TENT5A: variants seen among roughly 807,000 people sequenced by gnomAD.
TENT5A encodes HBV X-transactivated gene 11 protein.
TENT5A carries 9 observed loss-of-function variants against 30.2 expected under a neutral mutation model. The observed-to-expected ratio is 0.30, with a 90% confidence interval of 0.18 to 0.52. The LOEUF (loss-of-function observed/expected upper bound fraction) is 0.52. TENT5A is among the 20% of genes least tolerant of loss of function. The pLI, the probability that TENT5A is intolerant of heterozygous loss-of-function variation, is 0.97. For missense variants in TENT5A, 411 were observed against 566.1 expected, an observed-to-expected ratio of 0.73 and a Z score of 2.78; for synonymous variants, 264 against 234.2, an observed-to-expected ratio of 1.13 and a Z score of -1.16.
At position 81,751,917 on chromosome 6, in the gene TENT5A, G is replaced by C. The variant is rs374540996; in HGVS notation, c.225C>G (p.Asp75Glu). ...VLNWEQVQRL[D>E]GILSETIPIH... Reference sequence around the variant, plus strand: ...TCGGAATGGTCTCGCTCAGGATGCCGTCCAGCCGCTGCACTTGCTCCCAGT... The same window carrying C: ...TCGGAATGGTCTCGCTCAGGATGCCCTCCAGCCGCTGCACTTGCTCCCAGT... The change falls in exon 2 of 3, where the codon GAC becomes GAG. Residue 75 changes from aspartate to glutamate, a missense_variant. Asp to Glu is a conservative substitution (Grantham distance 45, BLOSUM62 2). This residue lies in a region of TENT5A where 157 missense variants were observed against 183.2 expected (regional missense o/e 0.86). Transcript: ENST00000320172. 1 of 1,612,892 alleles carries C rather than the reference G, an allele frequency of 6.2e-7. No individual in the cohort carries two copies. The highest frequency in any genetic ancestry group is 1.3e-5 in the African/African-American group (1 of 74,860).
Position 81,747,787 on chromosome 6 carries a change from T to C in TENT5A, c.*1908A>G. ...TTAGTTTTGTTTTGTTTTTAACAAA[T>C]GCATTTTCAGAGACCAGTATCTAGA... On this transcript the variant is annotated 3_prime_UTR_variant, in exon 3 of 3. Coordinates refer to ENST00000320172, the MANE Select transcript of TENT5A (RefSeq NM_017633.3). The C allele has an allele frequency of 3.0e-6, 3 of 985,836 alleles. No homozygotes were observed. The highest frequency in any genetic ancestry group is 1.2e-6 in the Non-Finnish European group (1 of 829,904). 61.1% of individuals were successfully genotyped at this position (985,836 alleles called of 1,614,324 possible).
chr6:81,750,395 C>T lies in TENT5A; in HGVS notation c.629G>A (p.Ser210Asn). ...AAATTTCAGTTCCACATTTTTGCCA[C>T]TGTTGTTTGACAGGGATATAAGACT... ...RWSLISLSNN[S>N]GKNVELKFVD... The change falls in exon 3 of 3, where the codon AGT (serine) becomes AAT (asparagine). Residue 210 changes from serine (S) to asparagine (N), a missense_variant. Around this residue, in one of 5 missense-constraint regions of TENT5A, gnomAD observed 135 missense variants for 240.0 expected, o/e 0.56. Coordinates refer to ENST00000320172, the MANE Select transcript of TENT5A (RefSeq NM_017633.3). This position sits in a 1 kb window ranked among gnomAD's most constrained non-coding sequence, Gnocchi z 4.2. The T allele has an allele frequency of 6.2e-7, 1 of 1,613,120 alleles. No homozygotes were observed. Among genetic ancestry groups the T allele is most frequent in the Admixed American group, 1.7e-5 (1 of 59,864 alleles).
chr6:81,750,897 G>A lies in TENT5A; in HGVS notation c.553-426C>T, dbSNP rs1046528133. 2.0e-5 allele frequency among the ~76,000 whole-genome samples: 3 copies of A among 152,228 alleles called. No homozygotes were observed. The highest frequency in any genetic ancestry group is 7.2e-5 in the African/African-American group (3 of 41,460). On this transcript the variant is annotated intron_variant, in intron 2 of 2. Coordinates refer to ENST00000320172, the MANE Select transcript of TENT5A (RefSeq NM_017633.3). The surrounding 1 kb of genome is among the most constrained non-coding windows in gnomAD (Gnocchi z 4.2). The stretch of plus-strand genomic sequence containing the variant: ...CAAGCCACCCAATTCCTCTCCGCCT[G>A]CGGCAATCAATGTTATCAGTATCTT...
At position 81,746,219 on chromosome 6, in the gene TENT5A, C is replaced by T; in HGVS notation, c.*3476G>A. On this transcript the variant is annotated 3_prime_UTR_variant, in exon 3 of 3. Coordinates refer to ENST00000320172, the MANE Select transcript of TENT5A (RefSeq NM_017633.3). The stretch of plus-strand genomic sequence containing the variant: ...ACTTTTTTTGGCTTTTTGGTTTCAC[C>T]TAACACACTTCATCTTCAACAACAA... 9.0e-7 allele frequency: 1 copy of T among 1,114,332 alleles called. No homozygotes were observed. The highest frequency in any genetic ancestry group is 1.1e-6 in the Non-Finnish European group (1 of 914,158). 69.0% of individuals were successfully genotyped at this position (1,114,332 alleles called of 1,614,324 possible).
rs1768869883 is a variant in TENT5A at position 81,745,736 on chromosome 6, G to GA, written c.*3958dup. 8.1e-6 allele frequency: 8 copies of GA among 985,170 alleles called. No homozygotes were observed. The highest frequency in any genetic ancestry group is 5.2e-4 in the Middle Eastern group (1 of 1,908). 61.0% of individuals were successfully genotyped at this position (985,170 alleles called of 1,614,324 possible). On this transcript the variant is annotated 3_prime_UTR_variant, in exon 3 of 3. Coordinates refer to ENST00000320172, the MANE Select transcript of TENT5A (RefSeq NM_017633.3). ...TGTAGACAGCAAACACAAATCAATA[G>GA]AAAAAAATAACTTTTTTATTTACAA...
In TENT5A at chr6:81,750,231, A is replaced by T; in HGVS notation, c.793T>A (p.Tyr265Asn). The T allele has an allele frequency of 6.2e-7, 1 of 1,614,168 alleles. No individual in the cohort carries two copies. The highest frequency in any genetic ancestry group is 8.5e-7 in the Non-Finnish European group (1 of 1,180,024). Residue 265 changes from tyrosine (Y) to asparagine (N), a missense_variant, in exon 3 of 3, where the codon TAT (tyrosine) becomes AAT (asparagine). Physicochemically the swap from Tyr to Asn is moderately radical, Grantham distance 143 (BLOSUM62 -2). Around this residue, in one of 5 missense-constraint regions of TENT5A, gnomAD observed 135 missense variants for 240.0 expected, o/e 0.56. Coordinates refer to ENST00000320172, the MANE Select transcript of TENT5A (RefSeq NM_017633.3). This position sits in a 1 kb window ranked among gnomAD's most constrained non-coding sequence, Gnocchi z 4.2. ...TCAAAGGCTTCCTGGAAATCGCCATAGACGCTCTCCCCGATTATTGTGGGG... is the reference window on the plus strand; with the variant it reads ...TCAAAGGCTTCCTGGAAATCGCCATTGACGCTCTCCCCGATTATTGTGGGG... ...FHPTIIGESV[Y>N]GDFQEAFDHL...
rs1769010588 is a variant in TENT5A, at chr6:81,750,524, A to T, written c.553-53T>A. ...AGCAAACCTAGAAAATAATAAATCA[A>T]TAAATAAATACATCCTCTTCACAGC... On this transcript the variant is annotated intron_variant, in intron 2 of 2. Transcript: ENST00000320172. The surrounding 1 kb of genome is among the most constrained non-coding windows in gnomAD (Gnocchi z 4.2). 5.5e-6 allele frequency: 6 copies of T among 1,088,694 alleles called. No individual in the cohort carries two copies. The highest frequency in any genetic ancestry group is 7.8e-6 in the Non-Finnish European group (6 of 771,528). The allele number at this position is 1,088,694 out of a possible 1,614,324, so 67.4% of individuals were successfully genotyped here.
At position 81,751,751 on chromosome 6, in the gene TENT5A, G is replaced by C; in HGVS notation, c.391C>G (p.Gln131Glu). 5 of 1,613,580 alleles carry C rather than the reference G, an allele frequency of 3.1e-6. No individual in the cohort carries two copies. The highest frequency in any genetic ancestry group is 4.2e-6 in the Non-Finnish European group (5 of 1,180,032). Residue 131 changes from glutamine (Q) to glutamate (E), a missense_variant, in exon 2 of 3, where the codon CAG (glutamine) becomes GAG (glutamate). Transcript: ENST00000320172. ...TCCTTGTAGCCCAGGCCGCTGTCCT[G>C]GTGCAGGACATGGCTGGCTGCCGAG... The part of the protein sequence containing the change: ...NGSAASHVLH[Q>E]DSGLGYKDLD...
At chr6:81,752,243 A>T in intron 1 of TENT5A, 65 bp from the exon 2 acceptor site, 1 of 1,471,674 alleles carries the variant, frequency 6.8e-7, no homozygotes. Context: ...GCGGCGGCGG[A>T]GAGCAGAGGC....
intron 1 of TENT5A, 73 bp from the exon 2 acceptor site, chr6:81,752,251 G>C: frequency 6.8e-7 from 1 of 1,476,724 alleles, no homozygotes. Flanking sequence ...GGAGAGCAGA[G>C]GCCCGCCAGG....
rs1191287535 is a variant in TENT5A, at chr6:81,747,104, A to G, written c.*2591T>C. 1 of 984,850 alleles carries G rather than the reference A, an allele frequency of 1.0e-6. No homozygotes were observed. The highest frequency in any genetic ancestry group is 1.7e-5 in the African/African-American group (1 of 57,248). The allele number at this position is 984,850 out of a possible 1,614,324, so 61.0% of individuals were successfully genotyped here. On this transcript the variant is annotated 3_prime_UTR_variant, in exon 3 of 3. Coordinates refer to ENST00000320172, the MANE Select transcript of TENT5A (RefSeq NM_017633.3). ...ACAAAAATCTGTGTTATAAATTAAC[A>G]GCAGGTTATTGTTATGGCAGAGTCA...
rs1378410210 is a variant in TENT5A, at chr6:81,748,453, T to C, written c.*1242A>G. ...ATTTCTGCTCTTCCTATGAAATATA[T>C]TACTTGGTTCCCTCCTTCATTTAAT... On this transcript the variant is annotated 3_prime_UTR_variant, in exon 3 of 3. Coordinates refer to ENST00000320172, the MANE Select transcript of TENT5A (RefSeq NM_017633.3). 3 of 982,630 alleles carry C rather than the reference T, an allele frequency of 3.1e-6. No individual in the cohort carries two copies. Among genetic ancestry groups the C allele is most frequent in the Non-Finnish European group, 3.6e-6 (3 of 827,736 alleles). 60.9% of individuals were successfully genotyped at this position (982,630 alleles called of 1,614,324 possible).
At position 81,750,460 on chromosome 6, in the gene TENT5A, C is replaced by T; in HGVS notation, c.564G>A (p.Val188=). 6.5e-7 allele frequency: 1 copy of T among 1,530,624 alleles called. No individual in the cohort carries two copies. 94.8% of individuals were successfully genotyped at this position (1,530,624 alleles called of 1,614,324 possible). ...CATTGCACACTTTAACCATTTTCTG[C>T]ACATAAGCTTCCTACAATTTAAAAG... The part of the protein sequence containing the change: ...ITPLTLKEAY[V]QKMVKVCNDS... The change falls in exon 3 of 3, where the codon GTG becomes GTA. Residue 188 remains valine, a synonymous_variant. Transcript: ENST00000320172. The surrounding 1 kb of genome is among the most constrained non-coding windows in gnomAD (Gnocchi z 4.2).
Position 81,747,953 on chromosome 6 carries a change from G to C in TENT5A, c.*1742C>G. 1.0e-6 allele frequency: 1 copy of C among 984,374 alleles called. No individual in the cohort carries two copies. The highest frequency in any genetic ancestry group is 1.2e-6 in the Non-Finnish European group (1 of 828,722). The allele number at this position is 984,374 out of a possible 1,614,324, so 61.0% of individuals were successfully genotyped here. A position where few individuals can be genotyped will look rare whatever the true frequency, so the allele number is the denominator to read the frequency against. ...AGTTGGATTTGATTTAATGGAAAGC[G>C]ATTTAAAGTACAGTACTAAATATTT... is the stretch of plus-strand genomic sequence containing the variant. On this transcript the variant is annotated 3_prime_UTR_variant, in exon 3 of 3. Coordinates refer to ENST00000320172, the MANE Select transcript of TENT5A (RefSeq NM_017633.3).
chr6:81,749,092 C>A lies in TENT5A; in HGVS notation c.*603G>T. ...TCATCATAAGTTCTGCTGATTGTTA[C>A]GAGAACTGCACCAACCTACTACTGT... On this transcript the variant is annotated 3_prime_UTR_variant, in exon 3 of 3. Coordinates refer to ENST00000320172, the MANE Select transcript of TENT5A (RefSeq NM_017633.3). 1.0e-6 allele frequency: 1 copy of A among 985,820 alleles called. No homozygotes were observed. Among genetic ancestry groups the A allele is most frequent in the Non-Finnish European group, 1.2e-6 (1 of 829,932 alleles). 61.1% of individuals were successfully genotyped at this position (985,820 alleles called of 1,614,324 possible). A position where few individuals can be genotyped will look rare whatever the true frequency, so the allele number is the denominator to read the frequency against.
Position 81,747,925 on chromosome 6 carries a change from T to C in TENT5A, c.*1770A>G, listed in dbSNP as rs1401036196. ...ACTGGTATTTTTGTAAGAAAGAAAA[T>C]AAAGTTGGATTTGATTTAATGGAAA... On this transcript the variant is annotated 3_prime_UTR_variant, in exon 3 of 3. Transcript: ENST00000320172. 11 of 985,120 alleles carry C rather than the reference T, an allele frequency of 1.1e-5. No homozygotes were observed. The highest frequency in any genetic ancestry group is 1.3e-5 in the Non-Finnish European group (11 of 829,408). 61.0% of individuals were successfully genotyped at this position (985,120 alleles called of 1,614,324 possible).
Position 81,749,545 on chromosome 6 carries a change from G to A in TENT5A, c.*150C>T, listed in dbSNP as rs1030913001. ...CCCACATCTATTAAAAGATACATAAGCTTTGCCAAACTTAAAACCAGGAGC... is the reference window on the plus strand; with the variant it reads ...CCCACATCTATTAAAAGATACATAAACTTTGCCAAACTTAAAACCAGGAGC... On this transcript the variant is annotated 3_prime_UTR_variant, in exon 3 of 3. Coordinates refer to ENST00000320172, the MANE Select transcript of TENT5A (RefSeq NM_017633.3). 5.0e-6 allele frequency: 7 copies of A among 1,402,976 alleles called. No individual in the cohort carries two copies. The highest frequency in any genetic ancestry group is 6.5e-6 in the Non-Finnish European group (7 of 1,083,250). The allele number at this position is 1,402,976 out of a possible 1,614,324, so 86.9% of individuals were successfully genotyped here.
chr6:81,751,121 G>C lies in TENT5A; in HGVS notation c.552+469C>G, dbSNP rs190163339. Among the ~76,000 whole-genome samples, 3 of 152,292 alleles carry C rather than the reference G, an allele frequency of 2.0e-5. No homozygotes were observed. In the East Asian group the frequency reaches 5.8e-4, roughly 29 times the overall value. On this transcript the variant is annotated intron_variant, in intron 2 of 2. Transcript: ENST00000320172. ...GAACCACCAGATAGACCTTTAACAC[G>C]TAGTCAGCTGAATGCCGCTGTGAAA...
chr6:81,748,386 G>GAAA lies in TENT5A; in HGVS notation c.*1306_*1308dup. 1 of 701,282 alleles carries GAAA rather than the reference G, an allele frequency of 1.4e-6. No homozygotes were observed. The highest frequency in any genetic ancestry group is 1.6e-6 in the Non-Finnish European group (1 of 606,608). 43.4% of individuals were successfully genotyped at this position (701,282 alleles called of 1,614,324 possible). On this transcript the variant is annotated 3_prime_UTR_variant, in exon 3 of 3. Transcript: ENST00000320172. ...TTGTGGAATTTTATGGCTCACCAAAGAAAAAAAAAAAAAGAAAAAAAAATC... is the reference window on the plus strand; with the variant it reads ...TTGTGGAATTTTATGGCTCACCAAAGAAAAAAAAAAAAAAAAGAAAAAAAAATC...
Sources: gnomAD v4.1 joint callset for allele counts (sites outside exome capture counted in the v4.1 genomes callset) on GRCh38, gnomAD v4.1.1 for gene constraint, gnomAD v4.1.1 regional missense constraint, Gnocchi (gnomAD v3.1) non-coding constraint, MANE v1.5 for transcripts, NCBI Gene and HGNC (gene_info 2026-07-23, HGNC 2026-07-21) for gene names.